Variants in MYLK4 observed in about 807,000 individuals in gnomAD.
The protein encoded by MYLK4 is myosin light chain kinase family member 4.
Under a neutral mutation model 48.1 loss-of-function variants are expected in MYLK4, and 46 were observed. The observed-to-expected ratio is 0.96, with a 90% CI of 0.75 to 1.22. MYLK4 has a LOEUF of 1.22. Among genes scored for constraint, MYLK4 ranks in the 50% most tolerant of loss-of-function variants. The pLI is 0.00. For synonymous variants in MYLK4, 170 were observed against 180.8 expected (o/e 0.94, Z 0.48); for missense variants, 451 against 486.1 (o/e 0.93, Z 0.68).
chr6:2,748,275 C>G (rs1764167821), intron 2 of MYLK4, among the ~76,000 whole-genome samples: 1 of 152,134 alleles, frequency 6.6e-6, no homozygotes. Flanking sequence ...ACTAGGAAAG[C>G]AACTGAGGAA....
At chr6:2,769,761 A>G in the MYLK4 span, among the ~76,000 whole-genome samples, 4 of 152,192 alleles carry the variant, frequency 2.6e-5, no homozygotes, top group Non-Finnish European at 5.9e-5. Flanking sequence ...GTTCTTGTCT[A>G]TAAATAAATA....
chr6:2,670,424 C>T (rs548711045), intron 12 of MYLK4, among the ~76,000 whole-genome samples: 3 of 152,178 alleles, frequency 2.0e-5, no homozygotes, highest in East Asian at 1.9e-4. Context: ...ACTCACAAGT[C>T]GTCAACGCTG....
intron 2 of MYLK4, among the ~76,000 whole-genome samples, chr6:2,700,186 C>T (rs1275036288): frequency 6.6e-6 from 1 of 152,126 alleles, no homozygotes; most frequent in Admixed American, 6.5e-5. Context: ...CCCTCTCAAA[C>T]TCGCATTGCT....
At chr6:2,670,655 A>G (rs1461121769) in intron 12 of MYLK4, among the ~76,000 whole-genome samples, 3 of 152,144 alleles carry the variant, frequency 2.0e-5, no homozygotes. Flanking sequence ...CCATCTCTCA[A>G]TAATTCCAAA....
At chr6:2,753,583 T>C (rs1434422203), upstream of MYLK4, among the ~76,000 whole-genome samples, 4 of 152,146 alleles carry the variant, frequency 2.6e-5, no homozygotes, top group Non-Finnish European at 4.4e-5. Context: ...AAAGACACTA[T>C]TATGAAAATG....
At chr6:2,746,328 T>C (rs1482729285) in intron 2 of MYLK4, among the ~76,000 whole-genome samples, 1 of 150,794 alleles carries the variant, frequency 6.6e-6, no homozygotes, top group African/African-American at 2.4e-5. Context: ...ACTACTTAAG[T>C]AGAAGGAAGA....
intron 2 of MYLK4, among the ~76,000 whole-genome samples, chr6:2,701,164 G>C (rs947968111): frequency 6.6e-6 from 1 of 152,134 alleles, no homozygotes; most frequent in Non-Finnish European, 1.5e-5. Flanking sequence ...GAAGTTTACA[G>C]TGTTTCTTCA....
chr6:2,704,974 C>T (rs7775905), intron 2 of MYLK4, among the ~76,000 whole-genome samples: 2,712 of 152,294 alleles, frequency 0.018, 42 homozygotes, highest in Non-Finnish European at 0.029. Context: ...CTTAGCACAG[C>T]GAAGGAGCAT....
chr6:2,670,026 A>C (rs950788055), intron 12 of MYLK4, among the ~76,000 whole-genome samples: 1 of 152,208 alleles, frequency 6.6e-6, no homozygotes, highest in African/African-American at 2.4e-5. Flanking sequence ...ACAATCAAAA[A>C]GACATGCAAA....
chr6:2,673,554 T>C lies in MYLK4; in HGVS notation c.1119+1493A>G, dbSNP rs1760980425. 6.6e-6 allele frequency among the ~76,000 whole-genome samples: 1 copy of C among 152,130 alleles called. No homozygotes were observed. Among genetic ancestry groups the C allele is most frequent in the Non-Finnish European group, 1.5e-5 (1 of 68,026 alleles). ...AAGAAACAAAAACGTATCAAACCCA[T>C]GCTATACCAGGGCAGGGCACCAGCC... is the stretch of plus-strand genomic sequence containing the variant. On this transcript the variant is annotated intron_variant, in intron 11 of 12. Transcript: ENST00000274643. The surrounding 1 kb of genome is among the most constrained non-coding windows in gnomAD (Gnocchi z 4.2).
At chr6:2,707,036 C>T (rs1198142514) in intron 2 of MYLK4, among the ~76,000 whole-genome samples, 1 of 152,182 alleles carries the variant, frequency 6.6e-6, no homozygotes, top group African/African-American at 2.4e-5. Context: ...TCCACTTGCA[C>T]ATAAAGGTAG....
intron 2 of MYLK4, among the ~76,000 whole-genome samples, chr6:2,719,305 C>T (rs1224932494): frequency 6.6e-6 from 1 of 152,066 alleles, no homozygotes; most frequent in African/African-American, 2.4e-5. Context: ...AGGACCAGAC[C>T]AATGGTATTA....
upstream of MYLK4, among the ~76,000 whole-genome samples, chr6:2,754,489 G>A (rs1324270241): frequency 3.3e-5 from 5 of 152,130 alleles, no homozygotes; most frequent in African/African-American, 1.2e-4. Context: ...ATCTATAGAC[G>A]TAGAAAGCAG....
chr6:2,678,945 G>A (rs577698967), intron 9 of MYLK4, among the ~76,000 whole-genome samples: 3 of 152,066 alleles, frequency 2.0e-5, no homozygotes, highest in East Asian at 1.9e-4. Flanking sequence ...CTCGTGATCC[G>A]CCCACCTCAG....
the MYLK4 span, among the ~76,000 whole-genome samples, chr6:2,763,751 G>A: frequency 3.3e-5 from 5 of 152,204 alleles, no homozygotes; most frequent in African/African-American, 1.2e-4. Flanking sequence ...TCGCAACCAC[G>A]GCCGGAGTGG....
At chr6:2,691,005 A>G (rs1448399835) in intron 3 of MYLK4, among the ~76,000 whole-genome samples, 1 of 151,510 alleles carries the variant, frequency 6.6e-6, no homozygotes, top group Non-Finnish European at 1.5e-5. Context: ...ATTTTTTTGT[A>G]TTTTTAAATA....
At chr6:2,762,977 GAAC>G in the MYLK4 span, among the ~76,000 whole-genome samples, 1 of 150,468 alleles carries the variant, frequency 6.6e-6, no homozygotes, top group Non-Finnish European at 1.5e-5. Context: ...AAAAATAAAA[GAAC>G]AAAACACCCA....
chr6:2,765,415 A>G, the MYLK4 span: 3 of 461,272 alleles, frequency 6.5e-6, no homozygotes, highest in Non-Finnish European at 9.9e-6. Context: ...ACGCCGCGTG[A>G]GGCGCTGCCA....
chr6:2,670,595 G>A (rs779698267), intron 12 of MYLK4, among the ~76,000 whole-genome samples: 1 of 152,088 alleles, frequency 6.6e-6, no homozygotes. Flanking sequence ...CTCCTTTAGG[G>A]CTACATTGGG....
Sources: gnomAD v4.1 joint callset for allele counts (sites outside exome capture counted in the v4.1 genomes callset) on GRCh38, gnomAD v4.1.1 for gene constraint, Gnocchi (gnomAD v3.1) non-coding constraint, MANE v1.5 for transcripts, NCBI Gene and HGNC (gene_info 2026-07-23, HGNC 2026-07-21) for gene names.